TENM2: variants seen among roughly 807,000 people sequenced by gnomAD.
TENM2 encodes the protein teneurin-2.
TENM2 carries 52 observed loss-of-function variants against 245.2 expected under a neutral mutation model. That is an observed-to-expected ratio of 0.21 (90% CI 0.17 to 0.27). The LOEUF (loss-of-function observed/expected upper bound fraction) is 0.27. TENM2 is among the 10% of genes least tolerant of loss of function. TENM2 has a pLI of 1.00. For synonymous variants in TENM2, 1,363 were observed against 1,438.9 expected, an observed-to-expected ratio of 0.95 and a Z score of 1.19; for missense variants, 3,046 against 3,666.8, an observed-to-expected ratio of 0.83 and a Z score of 4.37.
At chr5:167,734,639 A>G (rs1355312665) in intron 2 of TENM2, among the ~76,000 whole-genome samples, 1 of 151,982 alleles carries the variant, frequency 6.6e-6, no homozygotes, top group Non-Finnish European at 1.5e-5. Context: ...TTCTATCTAC[A>G]TTATTTGGAG....
At chr5:167,354,116 A>G (rs979960244) in intron 1 of TENM2, among the ~76,000 whole-genome samples, 1 of 152,204 alleles carries the variant, frequency 6.6e-6, no homozygotes. Flanking sequence ...CAACTACTAC[A>G]CTAGATCCTG....
the TENM2 span, among the ~76,000 whole-genome samples, chr5:167,119,947 A>C: frequency 0.01 from 1,551 of 152,310 alleles, 30 homozygotes; most frequent in African/African-American, 0.036. Context: ...CCTTCATCCC[A>C]ACCTGGGAAT....
chr5:167,208,049 C>T, the TENM2 span, among the ~76,000 whole-genome samples: 3 of 152,296 alleles, frequency 2.0e-5, no homozygotes, highest in Non-Finnish European at 2.9e-5. Context: ...CCACCACACC[C>T]GGCCTACTGA....
intron 2 of TENM2, among the ~76,000 whole-genome samples, chr5:167,463,087 A>G (rs955061965): frequency 6.6e-6 from 1 of 152,186 alleles, no homozygotes; most frequent in Non-Finnish European, 1.5e-5. Context: ...GTAAGTAGAG[A>G]TAAAAATGTA....
chr5:168,042,586 G>T (rs1562088619), intron 5 of TENM2, among the ~76,000 whole-genome samples: 1 of 151,976 alleles, frequency 6.6e-6, no homozygotes, highest in African/African-American at 2.4e-5. Context: ...TCCTGTGGTT[G>T]CTGGAGAATC....
the TENM2 span, among the ~76,000 whole-genome samples, chr5:167,264,869 C>G: frequency 3.6e-4 from 55 of 152,220 alleles, no homozygotes; most frequent in Non-Finnish European, 6.0e-4. Flanking sequence ...TCAAATTGTA[C>G]CTAGGCATCT....
At chr5:167,390,793 A>G (rs1245724891) in intron 2 of TENM2, among the ~76,000 whole-genome samples, 1 of 152,194 alleles carries the variant, frequency 6.6e-6, no homozygotes, top group African/African-American at 2.4e-5. Context: ...GTTGTCTTCC[A>G]TTTCCACTGA....
In TENM2 at chr5:167,682,031, T is replaced by A. The variant is rs1418642000; in HGVS notation, c.503-193955T>A. On this transcript the variant is annotated intron_variant, in intron 2 of 28. Transcript: ENST00000518659. ...ACACACAAAGAGAGAATGCCCTTCCTTCCTTCCTTTCTCCTTCCCTTTCTT... is the reference window on the plus strand; with the variant it reads ...ACACACAAAGAGAGAATGCCCTTCCATCCTTCCTTTCTCCTTCCCTTTCTT... 4.0e-5 allele frequency among the ~76,000 whole-genome samples: 6 copies of A among 151,828 alleles called. No homozygotes were observed. In the East Asian group the frequency reaches 1.2e-3, roughly 29 times the overall value.
chr5:167,652,633 A>T (rs1168226262), intron 2 of TENM2, among the ~76,000 whole-genome samples: 1 of 152,084 alleles, frequency 6.6e-6, no homozygotes, highest in Non-Finnish European at 1.5e-5. Flanking sequence ...TATTCCTATT[A>T]TTCCAGGTAA....
chr5:167,370,070 C>T (rs1011557855), intron 1 of TENM2, among the ~76,000 whole-genome samples: 3 of 152,210 alleles, frequency 2.0e-5, no homozygotes, highest in Admixed American at 1.3e-4. Flanking sequence ...AGGCTGGGCG[C>T]GGTGGCTCAC....
At chr5:168,086,749 G>C (rs1463561185) in intron 7 of TENM2, among the ~76,000 whole-genome samples, 2 of 152,184 alleles carry the variant, frequency 1.3e-5, no homozygotes, top group Admixed American at 6.5e-5. Flanking sequence ...CCCATGTCCC[G>C]AATTGATCAC....
intron 5 of TENM2, among the ~76,000 whole-genome samples, chr5:168,018,866 AG>A (rs1785897115): frequency 1.3e-5 from 2 of 152,168 alleles, no homozygotes; most frequent in Admixed American, 1.3e-4. Context: ...GTCCCCGAGG[AG>A]ATCTCCATCA....
At chr5:167,224,375 A>G in the TENM2 span, among the ~76,000 whole-genome samples, 1 of 151,988 alleles carries the variant, frequency 6.6e-6, no homozygotes, top group Non-Finnish European at 1.5e-5. Flanking sequence ...ACGGGGTGAG[A>G]GATAGGTGTT....
At chr5:167,704,971 G>A (rs1489948178) in intron 2 of TENM2, among the ~76,000 whole-genome samples, 1 of 152,128 alleles carries the variant, frequency 6.6e-6, no homozygotes, top group African/African-American at 2.4e-5. Context: ...TCAGTCCTTG[G>A]CATGCATTAT....
chr5:167,248,576 G>A, the TENM2 span, among the ~76,000 whole-genome samples: 1 of 152,088 alleles, frequency 6.6e-6, no homozygotes, highest in African/African-American at 2.4e-5. Flanking sequence ...ATCCCCCGGG[G>A]GGTTCCATGA....
chr5:167,640,619 CAAAAA>C (rs777939339), intron 2 of TENM2, among the ~76,000 whole-genome samples: 2 of 76,268 alleles, frequency 2.6e-5, no homozygotes. Context: ...AACTCCATCT[CAAAAA>C]AAAAAAAAAA....
intron 2 of TENM2, among the ~76,000 whole-genome samples, chr5:167,745,027 A>C (rs2150610609): frequency 6.6e-6 from 1 of 152,292 alleles, no homozygotes; most frequent in Admixed American, 6.5e-5. Flanking sequence ...CTCTTTGAAT[A>C]AACTTTCTAG....
Position 167,449,485 on chromosome 5 carries a change from G to C in TENM2, c.502+74012G>C, listed in dbSNP as rs370866594. Among the ~76,000 whole-genome samples the C allele has an allele frequency of 2.5e-3, 372 of 151,218 alleles. 13 individuals carry two copies. The South Asian group carries it at 0.077, about 31-fold the overall frequency. On this transcript the variant is annotated intron_variant, in intron 2 of 28. Transcript: ENST00000518659. ...CAATGGCTGAGCTATGTTTGTGGCA[G>C]AGTGTGCATACCCTAAAGATATGCA... is the stretch of plus-strand genomic sequence containing the variant.
intron 2 of TENM2, among the ~76,000 whole-genome samples, chr5:167,651,004 G>A (rs1270473443): frequency 6.6e-6 from 1 of 152,046 alleles, no homozygotes; most frequent in African/African-American, 2.4e-5. Context: ...GTACAAAATA[G>A]CGTGCATGTG....
Sources: allele counts gnomAD v4.1 joint callset (sites outside exome capture counted in the v4.1 genomes callset), GRCh38; gene constraint gnomAD v4.1.1; transcripts MANE v1.5; gene names NCBI Gene and HGNC (gene_info 2026-07-23, HGNC 2026-07-21).